Variants in QSER1 observed in about 807,000 individuals in gnomAD.
The protein encoded by QSER1 is glutamine and serine rich 1.
In QSER1, 49 loss-of-function variants were observed where a neutral mutation model predicts 158.5. That is an observed-to-expected ratio of 0.31 (90% CI 0.25 to 0.39). QSER1 has a LOEUF of 0.39. Among genes scored for constraint, QSER1 ranks in the 10% least tolerant of loss-of-function variants. The pLI is 1.00. For synonymous variants in QSER1, 650 were observed against 715.5 expected (o/e 0.91, Z 1.46); for missense variants, 1,754 against 2,010.3 (o/e 0.87, Z 2.44).
Position 32,957,986 on chromosome 11 carries a change from T to G in QSER1, c.4869T>G (p.Ala1623=). Residue 1623 remains alanine, a synonymous_variant, in exon 8 of 13, where the codon GCT becomes GCG. Coordinates refer to ENST00000650167, the MANE Select transcript of QSER1 (RefSeq NM_001076786.3). ...KPKVKQPKVK[A]EPPPKKRKKW... Reference sequence around the variant, plus strand: ...AAGTTAAACAGCCAAAAGTAAAGGCTGAGCCACCACCAAAGAAACGGAAAA... The same window carrying G: ...AAGTTAAACAGCCAAAAGTAAAGGCGGAGCCACCACCAAAGAAACGGAAAA... 1 of 1,614,120 alleles carries G rather than the reference T, an allele frequency of 6.2e-7. No individual in the cohort carries two copies.
At chr11:32,906,536 C>G (rs1438253544) in intron 1 of QSER1, among the ~76,000 whole-genome samples, 1 of 151,934 alleles carries the variant, frequency 6.6e-6, no homozygotes, top group East Asian at 1.9e-4. Context: ...GTAGCTAGGA[C>G]TACAGGTATG....
intron 4 of QSER1, among the ~76,000 whole-genome samples, chr11:32,936,632 CTG>C (rs1212665070): frequency 5.9e-5 from 9 of 152,264 alleles, no homozygotes; most frequent in Admixed American, 4.6e-4. Context: ...GATGATATAA[CTG>C]AGAATAAATG....
intron 1 of QSER1, among the ~76,000 whole-genome samples, chr11:32,894,281 C>G (rs530884247): frequency 1.3e-5 from 2 of 152,098 alleles, no homozygotes; most frequent in Non-Finnish European, 2.9e-5. Flanking sequence ...GTGAAACGGT[C>G]CCATTTGAAT....
At position 32,975,331 on chromosome 11, in the gene QSER1, A is replaced by T; in HGVS notation, c.5442A>T (p.Ile1814=). 6.3e-7 allele frequency: 1 copy of T among 1,595,802 alleles called. No homozygotes were observed. Among genetic ancestry groups the T allele is most frequent in the Non-Finnish European group, 8.6e-7 (1 of 1,164,186 alleles). The change falls in exon 12 of 13, where the codon ATA becomes ATT. Residue 1814 remains isoleucine, a synonymous_variant. Coordinates refer to ENST00000650167, the MANE Select transcript of QSER1 (RefSeq NM_001076786.3). ...ATTATAAGTACCATGTTTATCTGATATGTAAGGATGAGGTAATTTCTTCTC... is the reference window on the plus strand; with the variant it reads ...ATTATAAGTACCATGTTTATCTGATTTGTAAGGATGAGGTAATTTCTTCTC... ...LHHYKYHVYL[I]CKDEISSVQK...
At chr11:32,901,617 T>C (rs1452596812) in intron 1 of QSER1, among the ~76,000 whole-genome samples, 1 of 152,166 alleles carries the variant, frequency 6.6e-6, no homozygotes, top group Non-Finnish European at 1.5e-5. Context: ...CTTCTGCCAG[T>C]CTGTTGGTCA....
At chr11:32,974,422 T>A (rs1852933813) in intron 11 of QSER1, among the ~76,000 whole-genome samples, 1 of 144,748 alleles carries the variant, frequency 6.9e-6, no homozygotes, top group Non-Finnish European at 1.5e-5. Flanking sequence ...TGAGACACTG[T>A]CTCAAAAAAA....
rs1256454367 is a variant in QSER1 at position 32,976,525 on chromosome 11, TG to T, written c.*55del. 6.3e-7 allele frequency: 1 copy of T among 1,588,546 alleles called. No homozygotes were observed. ...TATAGCACTAATGAAATGGCAGATA[TG>T]GGGTGGTCAAAGATAATCAGATGTC... is the stretch of plus-strand genomic sequence containing the variant. On this transcript the variant is annotated 3_prime_UTR_variant, in exon 13 of 13. Coordinates refer to ENST00000650167, the MANE Select transcript of QSER1 (RefSeq NM_001076786.3).
chr11:32,928,918 T>C (rs1001654839), intron 3 of QSER1, among the ~76,000 whole-genome samples: 6 of 152,144 alleles, frequency 3.9e-5, no homozygotes, highest in African/African-American at 1.4e-4. Flanking sequence ...CATAGCTTTA[T>C]TTTTTACTTC....
Position 32,935,154 on chromosome 11 carries a change from T to C in QSER1, c.3896T>C (p.Val1299Ala). The C allele has an allele frequency of 7.4e-6, 12 of 1,614,102 alleles. No homozygotes were observed. Among genetic ancestry groups the C allele is most frequent in the Non-Finnish European group, 1.0e-5 (12 of 1,179,990 alleles). ...AAGCAGCAGTTTTCCACTCTTGCTG[T>C]ACGAATGCCTAACAGGACTAGACGG... ...GPKQQFSTLA[V>A]RMPNRTRRPG... Residue 1299 changes from valine to alanine, a missense_variant, in exon 4 of 13, where the codon GTA (valine) becomes GCA (alanine). Physicochemically the swap from Val to Ala is moderately conservative, Grantham distance 64. This residue lies in a region of QSER1 where 1,707 missense variants were observed against 1,919.6 expected (regional missense o/e 0.89). Coordinates refer to ENST00000650167, the MANE Select transcript of QSER1 (RefSeq NM_001076786.3).
chr11:32,945,364 G>T lies in QSER1; in HGVS notation c.4178-8493G>T, dbSNP rs1025029189. ...CTTTACATTTTGGCATGATTTTGCA[G>T]CGGCTGGTACCGGTTGTTCCTTTCC... On this transcript the variant is annotated intron_variant, in intron 4 of 12. Coordinates refer to ENST00000650167, the MANE Select transcript of QSER1 (RefSeq NM_001076786.3). 4.7e-4 allele frequency among the ~76,000 whole-genome samples: 72 copies of T among 152,020 alleles called. 1 individual carries two copies. Among genetic ancestry groups the T allele is most frequent in the African/African-American group, 1.5e-3 (64 of 41,476 alleles).
intron 8 of QSER1, among the ~76,000 whole-genome samples, chr11:32,964,186 G>T (rs761421471): frequency 2.0e-5 from 3 of 151,812 alleles, no homozygotes; most frequent in African/African-American, 7.3e-5. Flanking sequence ...TATTGCCTGG[G>T]CTGGTCTTGA....
chr11:32,953,866 A>C lies in QSER1; in HGVS notation c.4187A>C (p.Gln1396Pro). Reference protein sequence around the residue: ...SDKKKKTEALQVATTSPTANT... With the variant: ...SDKKKKTEALPVATTSPTANT... ...CTTGGTTTTGTTTCAGAAGCCCTAC[A>C]GGTGGCAACTACTAGCCCAACTGCC... The change falls in exon 5 of 13, where the codon CAG becomes CCG. Residue 1396 changes from glutamine to proline, a missense_variant. Gln to Pro is a moderately conservative substitution (Grantham distance 76, BLOSUM62 -1). Coordinates refer to ENST00000650167, the MANE Select transcript of QSER1 (RefSeq NM_001076786.3). 1 of 1,610,412 alleles carries C rather than the reference A, an allele frequency of 6.2e-7. No homozygotes were observed. The highest frequency in any genetic ancestry group is 8.5e-7 in the Non-Finnish European group (1 of 1,177,560).
At chr11:32,904,468 G>T (rs1851665696) in intron 1 of QSER1, among the ~76,000 whole-genome samples, 1 of 152,150 alleles carries the variant, frequency 6.6e-6, no homozygotes, top group African/African-American at 2.4e-5. Context: ...GGGATTACAG[G>T]TGTGAGCCAC....
rs777982246 is a variant in QSER1 at position 32,927,233 on chromosome 11, C to G, written c.286C>G (p.Gln96Glu). The G allele has an allele frequency of 6.6e-6, 1 of 152,618 alleles. No homozygotes were observed. Among genetic ancestry groups the G allele is most frequent in the Non-Finnish European group, 1.5e-5 (1 of 68,044 alleles). 9.5% of individuals were successfully genotyped at this position (152,618 alleles called of 1,614,324 possible). ...GAGACAGAGTTTTGCAGCCTCTCAT[C>G]AGCTTCCTGGATATGCTCCCACACC... Reference protein sequence around the residue: ...LQRQSFAASHQLPGYAPTPQP... With the variant: ...LQRQSFAASHELPGYAPTPQP... The change falls in exon 2 of 13, where the codon CAG becomes GAG. Residue 96 changes from glutamine (Q) to glutamate (E), a missense_variant. Transcript: ENST00000650167.
At position 32,975,205 on chromosome 11, in the gene QSER1, G is replaced by C. The variant is rs1852951094; in HGVS notation, c.5359-43G>C. The C allele has an allele frequency of 2.2e-6, 3 of 1,391,802 alleles. No homozygotes were observed. In the South Asian group the frequency reaches 4.4e-5, roughly 20 times the overall value. 86.2% of individuals were successfully genotyped at this position (1,391,802 alleles called of 1,614,324 possible). A position where few individuals can be genotyped will look rare whatever the true frequency, so the allele number is the denominator to read the frequency against. On this transcript the variant is annotated intron_variant, in intron 11 of 12. Coordinates refer to ENST00000650167, the MANE Select transcript of QSER1 (RefSeq NM_001076786.3). ...TTTTCCTCAAAGTGTTCTTAGCTCA[G>C]ATACTCCATGAAATGTATCTATAAA...
intron 1 of QSER1, among the ~76,000 whole-genome samples, chr11:32,917,854 C>G (rs1348047698): frequency 7.1e-6 from 1 of 141,414 alleles, no homozygotes; most frequent in Non-Finnish European, 1.5e-5. Flanking sequence ...ACCAGCATTT[C>G]TCTGTATTGC....
Position 32,953,929 on chromosome 11 carries a change from T to G in QSER1, c.4250T>G (p.Val1417Gly), listed in dbSNP as rs1179897037. 1 of 1,614,196 alleles carries G rather than the reference T, an allele frequency of 6.2e-7. No individual in the cohort carries two copies. The highest frequency in any genetic ancestry group is 1.3e-5 in the African/African-American group (1 of 75,074). The change falls in exon 5 of 13, where the codon GTG (valine) becomes GGG (glycine). Residue 1417 changes from valine to glycine, a missense_variant. Coordinates refer to ENST00000650167, the MANE Select transcript of QSER1 (RefSeq NM_001076786.3). ...ACTGCTACTACTTCCTCAACCACTG[T>G]GGGTGCAGTTAAGCAAGAACCTCTC... ...TGTATTSSTT[V>G]GAVKQEPLHS...
At position 32,892,848 on chromosome 11, in the gene QSER1, C is replaced by CCGCCGCCGCCGCCGCCGCCGT. The variant is rs1851497686; in HGVS notation, c.-264_-263insCCGCCGTCGCCGCCGCCGCCG. On this transcript the variant is annotated 5_prime_UTR_variant, in exon 1 of 13. Transcript: ENST00000650167. ...CCACCAACATGGGGCGCAGCGGCCG[C>CCGCCGCCGCCGCCGCCGCCGT]CGCCGCCGCCGCCGTCGCCGCGAGT... Among the ~76,000 whole-genome samples the CCGCCGCCGCCGCCGCCGCCGT allele has an allele frequency of 6.7e-6, 1 of 148,886 alleles. No homozygotes were observed.
At chr11:32,963,602 C>T (rs1852669037) in intron 8 of QSER1, among the ~76,000 whole-genome samples, 1 of 152,080 alleles carries the variant, frequency 6.6e-6, no homozygotes, top group African/African-American at 2.4e-5. Context: ...CCACCCGCCT[C>T]GGCCTCCCAA....
Sources: gnomAD v4.1 joint callset for allele counts (sites outside exome capture counted in the v4.1 genomes callset) on GRCh38, gnomAD v4.1.1 for gene constraint, gnomAD v4.1.1 regional missense constraint, MANE v1.5 for transcripts, NCBI Gene and HGNC (gene_info 2026-07-23, HGNC 2026-07-21) for gene names.